The following DLGAP1 variants were observed in gnomAD, a reference collection of about 807,000 sequenced individuals.
DLGAP1 encodes the protein disks large-associated protein 1.
Under a neutral mutation model 90.8 loss-of-function variants are expected in DLGAP1, and 11 were observed. The observed-to-expected ratio is 0.12, with a 90% CI of 0.08 to 0.20. The LOEUF (loss-of-function observed/expected upper bound fraction) is 0.20. DLGAP1 is among the 10% of genes least tolerant of loss of function. DLGAP1 has a pLI of 1.00. For missense variants in DLGAP1, 1,050 were observed against 1,333.8 expected, an observed-to-expected ratio of 0.79 and a Z score of 3.31; for synonymous variants, 558 against 540.7, an observed-to-expected ratio of 1.03 and a Z score of -0.44.
At chr18:4,165,987 G>A (rs776262102) in intron 1 of DLGAP1, among the ~76,000 whole-genome samples, 4 of 151,986 alleles carry the variant, frequency 2.6e-5, no homozygotes, top group Non-Finnish European at 5.9e-5. Flanking sequence ...GTGAGACCCT[G>A]TCTATATAAA....
At chr18:3,808,179 T>TAGATG (rs771580137) in intron 5 of DLGAP1, among the ~76,000 whole-genome samples, 1 of 152,236 alleles carries the variant, frequency 6.6e-6, no homozygotes, top group Non-Finnish European at 1.5e-5. Flanking sequence ...AGATAATTTG[T>TAGATG]AGATGAGCAA....
In DLGAP1 at chr18:3,727,299, G is replaced by A. The variant is rs1194855934; in HGVS notation, c.1591+1836C>T. On this transcript the variant is annotated intron_variant, in intron 7 of 12. Transcript: ENST00000315677. The surrounding 1 kb of genome is among the most constrained non-coding windows in gnomAD (Gnocchi z 4.7). ...TGTGTGTTTGGAGTGAAGAGCATGG[G>A]ACAGGCGCTGATGCAGGAAGTGTAA... 6.6e-6 allele frequency among the ~76,000 whole-genome samples: 1 copy of A among 152,158 alleles called. No homozygotes were observed. Among genetic ancestry groups the A allele is most frequent in the Non-Finnish European group, 1.5e-5 (1 of 68,040 alleles).
intron 7 of DLGAP1, among the ~76,000 whole-genome samples, chr18:3,591,083 C>A (rs1194257769): frequency 1.3e-5 from 2 of 151,916 alleles, no homozygotes; most frequent in African/African-American, 4.8e-5. Flanking sequence ...AGATTGAGGG[C>A]AAACAAACAA....
At chr18:3,811,469 A>T (rs2066837362) in intron 5 of DLGAP1, among the ~76,000 whole-genome samples, 1 of 152,236 alleles carries the variant, frequency 6.6e-6, no homozygotes, top group South Asian at 2.1e-4. Flanking sequence ...ACAGGGGACA[A>T]CAGAAATGGT....
chr18:3,651,661 G>GC (rs1357185253), intron 7 of DLGAP1, among the ~76,000 whole-genome samples: 1 of 151,342 alleles, frequency 6.6e-6, no homozygotes, highest in African/African-American at 2.4e-5. Flanking sequence ...GGGTGCAGTG[G>GC]TTCACGCCTG....
intron 1 of DLGAP1, among the ~76,000 whole-genome samples, chr18:4,450,953 C>G (rs2083811141): frequency 6.6e-6 from 1 of 152,214 alleles, no homozygotes; most frequent in African/African-American, 2.4e-5. Context: ...GTCCAAGGAT[C>G]TGAGCCAAAT....
At chr18:3,927,302 T>C (rs1014005935) in intron 3 of DLGAP1, among the ~76,000 whole-genome samples, 2 of 152,232 alleles carry the variant, frequency 1.3e-5, no homozygotes, top group African/African-American at 4.8e-5. Flanking sequence ...GAACATGTGA[T>C]TGTCATCTCG....
chr18:3,635,210 A>G (rs1272335518), intron 7 of DLGAP1, among the ~76,000 whole-genome samples: 1 of 150,374 alleles, frequency 6.7e-6, no homozygotes, highest in Non-Finnish European at 1.5e-5. Flanking sequence ...GGCTCACTGC[A>G]AGCTCCGCCT....
intron 7 of DLGAP1, among the ~76,000 whole-genome samples, chr18:3,650,940 C>T (rs2059277920): frequency 6.6e-6 from 1 of 151,384 alleles, no homozygotes; most frequent in South Asian, 2.1e-4. Context: ...GTCATGCGTG[C>T]CTGGAATCCC....
At chr18:4,151,460 T>C (rs1462240422) in intron 1 of DLGAP1, among the ~76,000 whole-genome samples, 173 bp from the exon 2 acceptor site, 2 of 152,242 alleles carry the variant, frequency 1.3e-5, no homozygotes, top group African/African-American at 4.8e-5. Context: ...CACTTTGTAT[T>C]TTTATGCTTT....
chr18:3,612,989 C>T (rs1464340177), intron 7 of DLGAP1, among the ~76,000 whole-genome samples: 4 of 151,944 alleles, frequency 2.6e-5, no homozygotes, highest in African/African-American at 7.2e-5. Context: ...TACAGGCGCC[C>T]GCCACCATGC....
chr18:4,186,723 T>C lies in DLGAP1; in HGVS notation c.-266-35436A>G, dbSNP rs926742249. 9.1e-4 allele frequency among the ~76,000 whole-genome samples: 138 copies of C among 152,190 alleles called. 2 individuals are homozygous for C. Among genetic ancestry groups the C allele is most frequent in the Admixed American group, 2.6e-3 (39 of 15,272 alleles). On this transcript the variant is annotated intron_variant, in intron 1 of 12. Transcript: ENST00000315677. ...TCAGGTAATGTGATGCGTCCAGCTTTGTTCTTTTTGCTTAGGATTGCCTTG... is the reference window on the plus strand; with the variant it reads ...TCAGGTAATGTGATGCGTCCAGCTTCGTTCTTTTTGCTTAGGATTGCCTTG...
chr18:3,798,125 T>A (rs1340902047), intron 5 of DLGAP1, among the ~76,000 whole-genome samples: 1 of 152,238 alleles, frequency 6.6e-6, no homozygotes, highest in Non-Finnish European at 1.5e-5. Context: ...GAAAATGGAC[T>A]AATATCCCCA....
At chr18:4,029,856 TAACTTGGC>T in intron 2 of DLGAP1, among the ~76,000 whole-genome samples, 1 of 152,316 alleles carries the variant, frequency 6.6e-6, no homozygotes, top group Non-Finnish European at 1.5e-5. Flanking sequence ...TGGCCCTATT[TAACTTGGC>T]AACCTCCTTC....
At chr18:3,835,870 C>T (rs2068348673) in intron 4 of DLGAP1, among the ~76,000 whole-genome samples, 1 of 152,094 alleles carries the variant, frequency 6.6e-6, no homozygotes, top group South Asian at 2.1e-4. Context: ...TAGTGCCTCC[C>T]CGCCATCGCC....
At chr18:3,756,553 C>T (rs2063726355) in intron 5 of DLGAP1, among the ~76,000 whole-genome samples, 1 of 151,726 alleles carries the variant, frequency 6.6e-6, no homozygotes, top group Admixed American at 6.6e-5. Context: ...AAACTTTCAC[C>T]TTAATAGTCT....
intron 10 of DLGAP1, among the ~76,000 whole-genome samples, chr18:3,512,412 G>A (rs907592476): frequency 1.3e-5 from 2 of 152,062 alleles, no homozygotes; most frequent in African/African-American, 2.4e-5. Flanking sequence ...AAATGCAGTT[G>A]AATGGGATTC....
At chr18:4,104,212 A>T (rs2075823661) in intron 2 of DLGAP1, among the ~76,000 whole-genome samples, 1 of 152,098 alleles carries the variant, frequency 6.6e-6, no homozygotes, top group South Asian at 2.1e-4. Context: ...TATTTTAGAG[A>T]TAGATTTTTG....
At chr18:4,148,369 T>G (rs150946111) in intron 2 of DLGAP1, among the ~76,000 whole-genome samples, 1 of 152,296 alleles carries the variant, frequency 6.6e-6, no homozygotes, top group East Asian at 1.9e-4. Context: ...CTTAAGAAAT[T>G]TAGATAATGA....
Sources: allele counts gnomAD v4.1 joint callset (sites outside exome capture counted in the v4.1 genomes callset), GRCh38; gene constraint gnomAD v4.1.1; non-coding constraint Gnocchi (gnomAD v3.1); transcripts MANE v1.5; gene names NCBI Gene and HGNC (gene_info 2026-07-23, HGNC 2026-07-21).